PHIP: variants seen among roughly 807,000 people sequenced by gnomAD.
PHIP encodes PHIP subunit of CUL4-Ring ligase complex, also known as PH-interacting protein.
A neutral mutation model predicts 236.8 loss-of-function variants in PHIP; 54 were observed. The observed-to-expected ratio is 0.23, with a 90% confidence interval of 0.18 to 0.29. The LOEUF (loss-of-function observed/expected upper bound fraction) is 0.29. Among genes scored for constraint, PHIP ranks in the 10% least tolerant of loss-of-function variants. The pLI, the probability that PHIP is intolerant of heterozygous loss-of-function variation, is 1.00. For synonymous variants in PHIP, 756 were observed against 718.9 expected, an observed-to-expected ratio of 1.05 and a Z score of -0.83; for missense variants, 1,370 against 2,190.8, an observed-to-expected ratio of 0.63 and a Z score of 7.48.
intron 15 of PHIP, chr6:79,004,362 G>GT (rs781565920): frequency 3.9e-5 from 38 of 973,752 alleles, no homozygotes; most frequent in South Asian, 4.8e-5. Context: ...TAAAGAAAAG[G>GT]TTTTTTTTAC....
At position 79,016,592 on chromosome 6, in the gene PHIP, C is replaced by T; in HGVS notation, c.1187G>A (p.Arg396Gln). ...CAACAAAATGCTCTTCCACTCTCTTCGTTTAAATTGCCAAATACGTGCTGT... is the reference window on the plus strand; with the variant it reads ...CAACAAAATGCTCTTCCACTCTCTTTGTTTAAATTGCCAAATACGTGCTGT... ...DGTARIWQFK[R>Q]REWKSILLDM... The change falls in exon 13 of 40, where the codon CGA becomes CAA. Residue 396 changes from arginine (R) to glutamine (Q), a missense_variant. Arg to Gln is a conservative substitution (Grantham distance 43). This residue lies in a region of PHIP where 188 missense variants were observed against 354.3 expected (regional missense o/e 0.53). Coordinates refer to ENST00000275034, the MANE Select transcript of PHIP (RefSeq NM_017934.7). 1.9e-6 allele frequency: 3 copies of T among 1,612,068 alleles called. No individual in the cohort carries two copies. Among genetic ancestry groups the T allele is most frequent in the Non-Finnish European group, 1.7e-6 (2 of 1,178,506 alleles).
chr6:78,965,898 T>C, intron 28 of PHIP, 47 bp downstream of exon 28: 1 of 1,415,030 alleles, frequency 7.1e-7, no homozygotes, highest in Non-Finnish European at 1.0e-6. Context: ...GAAAAAAAAA[T>C]TCAAAGCAAG....
chr6:79,023,876 T>G (rs1771258675), intron 9 of PHIP, among the ~76,000 whole-genome samples: 1 of 152,230 alleles, frequency 6.6e-6, no homozygotes, highest in Non-Finnish European at 1.5e-5. Context: ...TGAACATTGC[T>G]AATCACTTTT....
Position 79,077,887 on chromosome 6 carries a change from G to A in PHIP, c.67C>T (p.Leu23=). 6.3e-7 allele frequency: 1 copy of A among 1,588,608 alleles called. No homozygotes were observed. The highest frequency in any genetic ancestry group is 8.6e-7 in the Non-Finnish European group (1 of 1,169,066). Residue 23 remains leucine, a synonymous_variant, in exon 2 of 40, where the codon CTG becomes TTG. Transcript: ENST00000275034. The part of the protein sequence containing the change: ...SELYFLIARF[L]EDGPCQQAAQ... ...GCCTGCTGACAGGGTCCATCTTCCAGGAACCGGGCGATGAGGAAGTAGAGC... is the reference window on the plus strand; with the variant it reads ...GCCTGCTGACAGGGTCCATCTTCCAAGAACCGGGCGATGAGGAAGTAGAGC...
At chr6:79,044,501 C>T (rs1283214611) in intron 6 of PHIP, among the ~76,000 whole-genome samples, 2 of 152,126 alleles carry the variant, frequency 1.3e-5, no homozygotes, top group Non-Finnish European at 2.9e-5. Flanking sequence ...CACACAAAAA[C>T]CATAGACATC....
At chr6:79,053,117 C>T (rs1772881119) in intron 6 of PHIP, among the ~76,000 whole-genome samples, 1 of 152,060 alleles carries the variant, frequency 6.6e-6, no homozygotes, top group Non-Finnish European at 1.5e-5. Context: ...AGTTCGAGAC[C>T]AGCCTGGCCA....
chr6:79,026,279 C>A, intron 7 of PHIP, 115 bp from the exon 8 acceptor site: 2 of 769,642 alleles, frequency 2.6e-6, no homozygotes, highest in Admixed American at 2.3e-5. Flanking sequence ...TTTTAAATAC[C>A]AAAAAGTGTT....
At chr6:79,018,863 C>T (rs1770969609) in intron 10 of PHIP, among the ~76,000 whole-genome samples, 1 of 151,918 alleles carries the variant, frequency 6.6e-6, no homozygotes, top group Non-Finnish European at 1.5e-5. Context: ...ACATTATAGT[C>T]TTCTTAAAGA....
At chr6:79,063,204 A>C (rs183090355) in intron 4 of PHIP, among the ~76,000 whole-genome samples, 19 of 152,216 alleles carry the variant, frequency 1.2e-4, no homozygotes, top group Admixed American at 2.6e-4. Context: ...GGCCATGTTT[A>C]CCTCTGTCTA....
At chr6:79,042,749 G>GAA in intron 7 of PHIP, 94 bp downstream of exon 7, 1 of 916,650 alleles carries the variant, frequency 1.1e-6, no homozygotes, top group Non-Finnish European at 1.5e-6. Context: ...CCTATTAAAA[G>GAA]AAAAAAAAGC....
intron 15 of PHIP, among the ~76,000 whole-genome samples, chr6:79,010,348 G>T (rs546108270): frequency 1.3e-5 from 2 of 151,530 alleles, no homozygotes; most frequent in African/African-American, 4.8e-5. Context: ...CGTTTGGAAC[G>T]TTGCAAGGAG....
At chr6:78,993,987 G>C (rs914320568) in intron 19 of PHIP, among the ~76,000 whole-genome samples, 1 of 152,190 alleles carries the variant, frequency 6.6e-6, no homozygotes, top group African/African-American at 2.4e-5. Context: ...TGATTCATGG[G>C]AAGAGGAAAA....
chr6:79,021,603 T>A (rs1771119833), intron 9 of PHIP, among the ~76,000 whole-genome samples: 1 of 152,248 alleles, frequency 6.6e-6, no homozygotes, highest in African/African-American at 2.4e-5. Context: ...GAGGTTATTA[T>A]GCTAAGTGAA....
intron 17 of PHIP, among the ~76,000 whole-genome samples, chr6:78,998,685 C>T (rs1035585352): frequency 2.0e-5 from 3 of 152,086 alleles, no homozygotes; most frequent in African/African-American, 4.8e-5. Context: ...AACAACTCCA[C>T]TTTATAGATG....
At chr6:79,068,171 T>C (rs1773716913) in intron 4 of PHIP, 1 of 152,276 alleles carries the variant, frequency 6.6e-6, no homozygotes, top group Admixed American at 6.5e-5. Context: ...TAGTTTAAAA[T>C]GCGAAATCTC....
chr6:79,046,637 G>A (rs1172979106), intron 6 of PHIP, among the ~76,000 whole-genome samples: 1 of 152,104 alleles, frequency 6.6e-6, no homozygotes, highest in Admixed American at 6.5e-5. Context: ...AGCACTTTGG[G>A]AGGCTGAGGT....
chr6:79,024,931 C>T (rs1226693024), intron 9 of PHIP, among the ~76,000 whole-genome samples: 1 of 152,218 alleles, frequency 6.6e-6, no homozygotes, highest in South Asian at 2.1e-4. Context: ...GTCATTTAAC[C>T]ATTTCAGTGC....
At chr6:79,064,101 C>A (rs1055820241) in intron 4 of PHIP, among the ~76,000 whole-genome samples, 2 of 152,102 alleles carry the variant, frequency 1.3e-5, no homozygotes, top group Non-Finnish European at 2.9e-5. Context: ...CCAATTCTGT[C>A]TCTTATTAAC....
intron 15 of PHIP, among the ~76,000 whole-genome samples, chr6:79,012,496 G>A (rs1218895330): frequency 6.6e-6 from 1 of 151,512 alleles, no homozygotes; most frequent in Non-Finnish European, 1.5e-5. Flanking sequence ...TCCTCTAATA[G>A]ACCAAAGCAC....
Sources: allele counts gnomAD v4.1 joint callset (sites outside exome capture counted in the v4.1 genomes callset), GRCh38; gene constraint gnomAD v4.1.1; regional missense constraint gnomAD v4.1.1; transcripts MANE v1.5; gene names NCBI Gene and HGNC (gene_info 2026-07-23, HGNC 2026-07-21).